COL2A1: variants seen among roughly 807,000 people sequenced by gnomAD.
COL2A1 encodes collagen alpha-1(II) chain.
In COL2A1, 28 loss-of-function variants were observed where a neutral mutation model predicts 204.5. That is an observed-to-expected ratio of 0.14 (90% CI 0.10 to 0.19). The LOEUF is 0.19. Ranked by LOEUF, COL2A1 falls within the 10% of genes least tolerant of loss-of-function variation. The pLI, the probability that COL2A1 is intolerant of heterozygous loss-of-function variation, is 1.00. For synonymous variants in COL2A1, 708 were observed against 718.7 expected (o/e 0.99, Z 0.24); for missense variants, 1,388 against 2,027.5 (o/e 0.68, Z 6.06).
At position 47,990,721 on chromosome 12, in the gene COL2A1, G is replaced by T. The variant is rs150436617; in HGVS notation, c.1024-916C>A. On this transcript the variant is annotated intron_variant, in intron 16 of 53. Coordinates refer to ENST00000380518, the MANE Select transcript of COL2A1 (RefSeq NM_001844.5). ...GGCTTTTGCTTACAAAGCAAGGCAA[G>T]GTTGCCAGCTCCTTCTCTAGGACTG... is the stretch of plus-strand genomic sequence containing the variant. 6.6e-5 allele frequency among the ~76,000 whole-genome samples: 10 copies of T among 152,358 alleles called. No homozygotes were observed. In the East Asian group the frequency reaches 7.7e-4, roughly 12 times the overall value.
intron 17 of COL2A1, 111 bp downstream of exon 17, chr12:47,989,650 C>CT: frequency 1.1e-6 from 1 of 898,656 alleles, no homozygotes; most frequent in South Asian, 1.3e-5. Flanking sequence ...TTCCAGTAGA[C>CT]ATCAGAGTGC....
intron 15 of COL2A1, 93 bp from the exon 16 acceptor site, chr12:47,993,024 G>T: frequency 8.3e-7 from 1 of 1,202,420 alleles, no homozygotes; most frequent in Non-Finnish European, 1.2e-6. Flanking sequence ...GGATACCAGA[G>T]GAGAGGGAGG....
At position 47,987,035 on chromosome 12, in the gene COL2A1, CCA is replaced by C. The variant is rs1939457568; in HGVS notation, c.1365+41_1365+42del. 6.3e-7 allele frequency: 1 copy of C among 1,596,240 alleles called. No individual in the cohort carries two copies. The highest frequency in any genetic ancestry group is 1.7e-5 in the Admixed American group (1 of 59,970). ...GAAAGAGGGGTGATGGGGTTTGACT[CCA>C]GAGATGTCAGTGGAACTTGGGGGTC... On this transcript the variant is annotated intron_variant, in intron 21 of 53. Coordinates refer to ENST00000380518, the MANE Select transcript of COL2A1 (RefSeq NM_001844.5). The surrounding 1 kb of genome is among the most constrained non-coding windows in gnomAD (Gnocchi z 4.1).
chr12:47,996,618 G>C lies in COL2A1; in HGVS notation c.539C>G (p.Ala180Gly). 6.2e-7 allele frequency: 1 copy of C among 1,614,138 alleles called. No individual in the cohort carries two copies. Among genetic ancestry groups the C allele is most frequent in the East Asian group, 2.2e-5 (1 of 44,886 alleles). ...ATCAAATCCTCCAGCCATCTGGGCA[G>C]CAAAGTTCTGCAAAGAAACCCAACA... Reference protein sequence around the residue: ...PGPPGLGGNFAAQMAGGFDEK... With the variant: ...PGPPGLGGNFGAQMAGGFDEK... Residue 180 changes from alanine to glycine, a missense_variant, in exon 8 of 54, where the codon GCT becomes GGT. Physicochemically the swap from Ala to Gly is moderately conservative, Grantham distance 60 (BLOSUM62 0). Around this residue, in one of 3 missense-constraint regions of COL2A1, gnomAD observed 201 missense variants for 242.4 expected, o/e 0.83. Transcript: ENST00000380518.
At chr12:47,983,869 A>G (rs1939237808) in intron 29 of COL2A1, 133 bp from the exon 30 acceptor site, 3 of 1,026,278 alleles carry the variant, frequency 2.9e-6, no homozygotes, top group South Asian at 2.7e-5. Context: ...CAGTGCATGC[A>G]TGCCTCCCTG....
rs752610490 is a variant in COL2A1, at chr12:47,998,410, C to G, written c.309+5G>C. Reference sequence around the variant, plus strand: ...ATGAAAAAAGAAAAAGAAGAAAGCCCTTACCTTTGGTCCTGGTTGCCCTGC... The same window carrying G: ...ATGAAAAAAGAAAAAGAAGAAAGCCGTTACCTTTGGTCCTGGTTGCCCTGC... On this transcript the variant is annotated splice_donor_5th_base_variant and intron_variant, in intron 3 of 53. Transcript: ENST00000380518. 1 of 1,606,184 alleles carries G rather than the reference C, an allele frequency of 6.2e-7. No individual in the cohort carries two copies. The highest frequency in any genetic ancestry group is 1.1e-5 in the South Asian group (1 of 90,002).
Position 48,004,245 on chromosome 12 carries a change from T to C in COL2A1, c.77A>G (p.Gln26Arg), listed in dbSNP as rs1940368675. The change falls in exon 1 of 54, where the codon CAG (glutamine) becomes CGG (arginine). Residue 26 changes from glutamine (Q) to arginine (R), a missense_variant. This residue lies in a region of COL2A1 where 201 missense variants were observed against 242.4 expected (regional missense o/e 0.83). Transcript: ENST00000380518. ...LVAAVLRCQG[Q>R]DVQEAGSCVQ... ...GGCGGGGGAAGACTTACGGACATCC[T>C]GGCCCTGACACCGAAGGACAGCGGC... is the stretch of plus-strand genomic sequence containing the variant. The C allele has an allele frequency of 6.5e-7, 1 of 1,548,950 alleles. No individual in the cohort carries two copies. The highest frequency in any genetic ancestry group is 2.4e-5 in the East Asian group (1 of 40,868).
At position 47,973,192 on chromosome 12, in the gene COL2A1, A is replaced by G. The variant is rs1352804123; in HGVS notation, c.*215T>C. Reference sequence around the variant, plus strand: ...GACCCGAAGGTCTTACAGGAAGACAATAAATAAATAGAACACCGAGATTTT... The same window carrying G: ...GACCCGAAGGTCTTACAGGAAGACAGTAAATAAATAGAACACCGAGATTTT... On this transcript the variant is annotated 3_prime_UTR_variant, in exon 54 of 54. Transcript: ENST00000380518. The G allele has an allele frequency of 1.5e-6, 1 of 659,772 alleles. No homozygotes were observed. The highest frequency in any genetic ancestry group is 2.7e-6 in the Non-Finnish European group (1 of 371,052). 40.9% of individuals were successfully genotyped at this position (659,772 alleles called of 1,614,324 possible).
At position 47,987,870 on chromosome 12, in the gene COL2A1, C is replaced by T. The variant is rs11168339; in HGVS notation, c.1123-161G>A. On this transcript the variant is annotated intron_variant, in intron 18 of 53. Coordinates refer to ENST00000380518, the MANE Select transcript of COL2A1 (RefSeq NM_001844.5). This position sits in a 1 kb window ranked among gnomAD's most constrained non-coding sequence, Gnocchi z 4.1. Reference sequence around the variant, plus strand: ...GTGCGTTCACACACAGTTCACGCTGCCGTTTTTCTCCCTGCCTGACCGAGC... The same window carrying T: ...GTGCGTTCACACACAGTTCACGCTGTCGTTTTTCTCCCTGCCTGACCGAGC... Among the ~76,000 whole-genome samples, 869 of 152,284 alleles carry T rather than the reference C, an allele frequency of 5.7e-3. 11 individuals are homozygous for T. The highest frequency in any genetic ancestry group is 0.02 in the African/African-American group (811 of 41,532).
At chr12:47,997,514 C>T (rs1940016459) in intron 7 of COL2A1, 92 bp downstream of exon 7, 1 of 1,610,948 alleles carries the variant, frequency 6.2e-7, no homozygotes, top group Non-Finnish European at 8.5e-7. Context: ...CTGCTGGCAG[C>T]CCTGGGAGCC....
In COL2A1 at chr12:47,995,883, C is replaced by T; in HGVS notation, c.646G>A (p.Gly216Ser). Reference sequence around the variant, plus strand: ...GAATTGCAGATACTTACAGGAGCACCTGCAGGGCCTGGAGGTCCTCGAGGT... The same window carrying T: ...GAATTGCAGATACTTACAGGAGCACTTGCAGGGCCTGGAGGTCCTCGAGGT... ...MGPRGPPGPAGAPGPQGFQGN... is the reference protein window; with the variant it reads ...MGPRGPPGPASAPGPQGFQGN... The change falls in exon 9 of 54, where the codon GGT becomes AGT. Residue 216 changes from glycine (G) to serine (S), a missense_variant. Gly to Ser is a moderately conservative substitution (Grantham distance 56). Coordinates refer to ENST00000380518, the MANE Select transcript of COL2A1 (RefSeq NM_001844.5). The T allele has an allele frequency of 1.2e-6, 2 of 1,613,684 alleles. No homozygotes were observed. The highest frequency in any genetic ancestry group is 1.7e-6 in the Non-Finnish European group (2 of 1,179,554).
intron 53 of COL2A1, 110 bp from the exon 54 acceptor site, chr12:47,973,663 G>A: frequency 7.6e-7 from 1 of 1,318,592 alleles, no homozygotes; most frequent in Non-Finnish European, 1.1e-6. Context: ...AGCCCACAAG[G>A]TTGAACCACA....
intron 31 of COL2A1, 112 bp from the exon 32 acceptor site, chr12:47,983,249 G>A: frequency 6.7e-7 from 1 of 1,491,536 alleles, no homozygotes; most frequent in Non-Finnish European, 9.2e-7. Context: ...TGTGTCATCT[G>A]TGGAGGCTGG....
chr12:47,989,373 T>A (rs938213102), intron 17 of COL2A1, 92 bp from the exon 18 acceptor site: 1 of 1,047,932 alleles, frequency 9.5e-7, no homozygotes, highest in East Asian at 2.4e-5. Flanking sequence ...TTCCCTCCTC[T>A]GTACTGATTT....
At chr12:47,988,718 C>T (rs767755916) in intron 18 of COL2A1, among the ~76,000 whole-genome samples, 3 of 152,250 alleles carry the variant, frequency 2.0e-5, no homozygotes, top group Non-Finnish European at 2.9e-5. Flanking sequence ...TGGCTGGCCT[C>T]CCACTGGCCT....
intron 1 of COL2A1, among the ~76,000 whole-genome samples, chr12:48,003,796 T>C (rs1351061546): frequency 6.6e-6 from 1 of 152,170 alleles, no homozygotes; most frequent in Non-Finnish European, 1.5e-5. Context: ...GTTTGCTTGC[T>C]CCCTCGCTCG....
Position 47,993,802 on chromosome 12 carries a change from C to T in COL2A1, c.924+7G>A. Reference sequence around the variant, plus strand: ...TCCCCATCCCATTGTACTTTCTGGCCTCTCACCTTCACACCAGGAGCACCC... The same window carrying T: ...TCCCCATCCCATTGTACTTTCTGGCTTCTCACCTTCACACCAGGAGCACCC... On this transcript the variant is annotated splice_region_variant and intron_variant, in intron 14 of 53. Transcript: ENST00000380518. 2 of 1,614,060 alleles carry T rather than the reference C, an allele frequency of 1.2e-6. No individual in the cohort carries two copies. Among genetic ancestry groups the T allele is most frequent in the Middle Eastern group, 1.6e-4 (1 of 6,062 alleles).
intron 23 of COL2A1, 102 bp downstream of exon 23, chr12:47,986,234 G>T: frequency 1.2e-6 from 1 of 862,080 alleles, no homozygotes; most frequent in Non-Finnish European, 1.9e-6. Context: ...AGGATGACAT[G>T]CGGAAAAGTC....
At chr12:47,974,413 C>A in intron 52 of COL2A1, 82 bp from the exon 53 acceptor site, 1 of 1,574,178 alleles carries the variant, frequency 6.4e-7, no homozygotes, top group South Asian at 1.1e-5. Context: ...GCCAAGAGTT[C>A]ATGGTTCAAG....
Sources: gnomAD v4.1 joint callset for allele counts (sites outside exome capture counted in the v4.1 genomes callset) on GRCh38, gnomAD v4.1.1 for gene constraint, gnomAD v4.1.1 regional missense constraint, Gnocchi (gnomAD v3.1) non-coding constraint, MANE v1.5 for transcripts, NCBI Gene and HGNC (gene_info 2026-07-23, HGNC 2026-07-21) for gene names.